The following SESN1 variants were observed in gnomAD, a reference collection of about 807,000 sequenced individuals.
SESN1 encodes sestrin-1.
A neutral mutation model predicts 59.3 loss-of-function variants in SESN1; 30 were observed. The ratio of observed to expected loss-of-function variants is 0.51; its 90% confidence interval spans 0.38 to 0.69. The LOEUF is 0.69. SESN1 is among the 30% of genes least tolerant of loss of function. The pLI is 0.00. For synonymous variants in SESN1, 197 were observed against 219.9 expected (o/e 0.90, Z 0.92); for missense variants, 566 against 673.0 (o/e 0.84, Z 1.76).
chr6:109,003,233 CAATTA>C (rs1562456780), intron 1 of SESN1, among the ~76,000 whole-genome samples: 2 of 151,412 alleles, frequency 1.3e-5, no homozygotes. Flanking sequence ...AGAATTTATA[CAATTA>C]AAGATTAACC....
intron 1 of SESN1, among the ~76,000 whole-genome samples, chr6:109,080,954 G>T (rs1436784631): frequency 3.3e-5 from 5 of 151,746 alleles, no homozygotes; most frequent in Non-Finnish European, 2.9e-5. Flanking sequence ...ATGTGATAAG[G>T]TATATATAAA....
intron 2 of SESN1, 142 bp from the exon 3 acceptor site, chr6:109,001,630 A>T: frequency 2.8e-6 from 2 of 703,898 alleles, no homozygotes; most frequent in Admixed American, 5.6e-5. Flanking sequence ...TTTAAACTCA[A>T]CTGGTTGAAA....
At chr6:109,007,277 C>T (rs1779752426) in intron 1 of SESN1, among the ~76,000 whole-genome samples, 3 of 152,260 alleles carry the variant, frequency 2.0e-5, no homozygotes, top group South Asian at 4.1e-4. Flanking sequence ...CTGAAAAGTA[C>T]TGTTCCAGTC....
At chr6:109,028,075 T>C (rs2114386795) in intron 1 of SESN1, among the ~76,000 whole-genome samples, 1 of 152,218 alleles carries the variant, frequency 6.6e-6, no homozygotes, top group East Asian at 1.9e-4. Context: ...ATCCAATTTG[T>C]CAATATTTTC....
chr6:108,998,946 A>G (rs1304088602), intron 4 of SESN1, 191 bp from the exon 5 acceptor site: 4 of 518,800 alleles, frequency 7.7e-6, no homozygotes, highest in Non-Finnish European at 1.3e-5. Flanking sequence ...AGAACTTAAC[A>G]TAATCTGTTA....
chr6:109,064,951 AC>A (rs1294781497), intron 1 of SESN1, among the ~76,000 whole-genome samples: 1 of 152,154 alleles, frequency 6.6e-6, no homozygotes, highest in Non-Finnish European at 1.5e-5. Context: ...CATATTACAT[AC>A]TGTGACAATT....
intron 1 of SESN1, among the ~76,000 whole-genome samples, chr6:109,057,743 A>G (rs999156425): frequency 6.6e-6 from 1 of 152,172 alleles, no homozygotes; most frequent in Non-Finnish European, 1.5e-5. Context: ...CTTTCAGTAG[A>G]ATGCCTACTT....
intron 1 of SESN1, among the ~76,000 whole-genome samples, chr6:109,092,537 C>T (rs1462568828): frequency 6.6e-6 from 1 of 152,090 alleles, no homozygotes. Context: ...AGTATCCTGA[C>T]GGCAAAGGAA....
In SESN1 at chr6:109,050,427, T is replaced by G. The variant is rs182263446; in HGVS notation, c.279+43368A>C. Among the ~76,000 whole-genome samples, 10 of 150,156 alleles carry G rather than the reference T, an allele frequency of 6.7e-5. No individual in the cohort carries two copies. In the East Asian group the frequency reaches 1.6e-3, roughly 23 times the overall value. On this transcript the variant is annotated intron_variant, in intron 1 of 9. Transcript: ENST00000436639. ...AAAAGTCATTTTAATGTACAGTGAATCATAGACTTTCCATCTTGCAAAGGA... is the reference window on the plus strand; with the variant it reads ...AAAAGTCATTTTAATGTACAGTGAAGCATAGACTTTCCATCTTGCAAAGGA...
chr6:109,076,151 A>T (rs1781028345), intron 1 of SESN1, among the ~76,000 whole-genome samples: 1 of 152,218 alleles, frequency 6.6e-6, no homozygotes, highest in Non-Finnish European at 1.5e-5. Context: ...TCTAAGATAA[A>T]TCATCCATCT....
intron 1 of SESN1, among the ~76,000 whole-genome samples, chr6:109,057,098 C>T (rs933449798): frequency 1.3e-5 from 2 of 152,160 alleles, no homozygotes; most frequent in Non-Finnish European, 2.9e-5. Context: ...AAGGAGATCT[C>T]CAGCTCAAAC....
At chr6:108,997,528 C>T (rs544334136) in intron 5 of SESN1, among the ~76,000 whole-genome samples, 1 of 152,300 alleles carries the variant, frequency 6.6e-6, no homozygotes, top group East Asian at 1.9e-4. Context: ...GTAAATGCTA[C>T]CTCTTATTTA....
At chr6:109,047,377 C>T (rs1780467743) in intron 1 of SESN1, among the ~76,000 whole-genome samples, 1 of 136,064 alleles carries the variant, frequency 7.3e-6, no homozygotes, top group Non-Finnish European at 1.6e-5. Context: ...CCAGCCGCCC[C>T]GTCCGGGAGG....
At chr6:109,045,752 GTAT>G (rs1216935665) in intron 1 of SESN1, among the ~76,000 whole-genome samples, 3 of 152,156 alleles carry the variant, frequency 2.0e-5, no homozygotes, top group Admixed American at 6.5e-5. Context: ...GCACTTACTA[GTAT>G]ATACCATAAC....
chr6:109,056,593 C>G (rs981101323), intron 1 of SESN1, among the ~76,000 whole-genome samples: 6 of 152,182 alleles, frequency 3.9e-5, no homozygotes, highest in Non-Finnish European at 8.8e-5. Context: ...CTGCCTGTCT[C>G]TACTACAGAG....
intron 1 of SESN1, among the ~76,000 whole-genome samples, chr6:109,051,448 C>T (rs577346501): frequency 6.6e-6 from 1 of 152,216 alleles, no homozygotes; most frequent in African/African-American, 2.4e-5. Context: ...TATGAATGGA[C>T]TCTTTGAAGG....
chr6:109,075,868 G>C (rs945405715), intron 1 of SESN1, among the ~76,000 whole-genome samples: 1 of 152,082 alleles, frequency 6.6e-6, no homozygotes, highest in Non-Finnish European at 1.5e-5. Flanking sequence ...CCCCCTCCCC[G>C]ACCCCAGAGG....
chr6:109,093,917 G>C lies in SESN1; in HGVS notation c.157C>G (p.Leu53Val). The change falls in exon 1 of 10, where the codon CTT (leucine) becomes GTT (valine). Residue 53 changes from leucine (L) to valine (V), a missense_variant. Transcript: ENST00000436639. ...CCATCCGAAGACTCGGTATTTGAAA[G>C]CCCGTCTGATGGACGATGAGGTGTT... is the stretch of plus-strand genomic sequence containing the variant. ...KETPHRPSDG[L>V]SNTESSDGLN... 6.2e-7 allele frequency: 1 copy of C among 1,614,216 alleles called. No homozygotes were observed.
chr6:109,050,625 G>C (rs985141403), intron 1 of SESN1, among the ~76,000 whole-genome samples: 2 of 152,058 alleles, frequency 1.3e-5, no homozygotes, highest in Non-Finnish European at 2.9e-5. Flanking sequence ...TATACAAATG[G>C]GCAGGCAGCA....
Sources: gnomAD v4.1 joint callset for allele counts (sites outside exome capture counted in the v4.1 genomes callset) on GRCh38, gnomAD v4.1.1 for gene constraint, MANE v1.5 for transcripts, NCBI Gene and HGNC (gene_info 2026-07-23, HGNC 2026-07-21) for gene names.